The following FBN3 variants were observed in gnomAD, a reference collection of about 807,000 sequenced individuals.
The protein encoded by FBN3 is fibrillin-3.
Under a neutral mutation model 330.1 loss-of-function variants are expected in FBN3, and 234 were observed. The observed-to-expected ratio is 0.71, with a 90% CI of 0.64 to 0.79. The LOEUF (loss-of-function observed/expected upper bound fraction) is 0.79, where lower values mean the gene tolerates loss of function less well. Ranked by LOEUF, FBN3 falls within the 30% of genes least tolerant of loss-of-function variation. FBN3 has a pLI of 0.00. For missense variants in FBN3, 3,606 were observed against 3,886.9 expected, an observed-to-expected ratio of 0.93 and a Z score of 1.92; for synonymous variants, 1,458 against 1,517.3, an observed-to-expected ratio of 0.96 and a Z score of 0.91.
intron 14 of FBN3, 118 bp downstream of exon 14, chr19:8,132,866 T>C: frequency 8.6e-7 from 1 of 1,162,258 alleles, no homozygotes; most frequent in South Asian, 1.8e-5. Flanking sequence ...CTGCCCCTTC[T>C]CTTCTCCTTC....
At chr19:8,126,046 G>A (rs1568432346) in intron 21 of FBN3, 29 bp from the exon 22 acceptor site, 1 of 1,613,192 alleles carries the variant, frequency 6.2e-7, no homozygotes, top group East Asian at 2.2e-5. Flanking sequence ...AAGCCGGAGG[G>A]TCCAGGGAGG....
chr19:8,109,692 GC>G lies in FBN3; in HGVS notation c.4394del (p.Gly1465AlafsTer13). The G allele has an allele frequency of 6.4e-7, 1 of 1,563,036 alleles. No individual in the cohort carries two copies. The highest frequency in any genetic ancestry group is 1.4e-5 in the African/African-American group (1 of 73,320). ...CINGVCINTP[G>X]SYLCSCPQDF... ...CCTGGGGGCAGCTGCAGAGGTAGCTGCCGGGGGTGTTAATGCACACGCCGTT... is the reference window on the plus strand; with the variant it reads ...CCTGGGGGCAGCTGCAGAGGTAGCTGCGGGGGTGTTAATGCACACGCCGTT... On this transcript the variant is annotated frameshift_variant, in exon 35 of 64. Coordinates refer to ENST00000600128, the MANE Select transcript of FBN3 (RefSeq NM_032447.5). LOFTEE classifies it high-confidence loss of function. The surrounding 1 kb of genome is among the most constrained non-coding windows in gnomAD (Gnocchi z 5.2).
At position 8,116,768 on chromosome 19, in the gene FBN3, A is replaced by G; in HGVS notation, c.3618T>C (p.Val1206=). 1 of 1,614,048 alleles carries G rather than the reference A, an allele frequency of 6.2e-7. No homozygotes were observed. The highest frequency in any genetic ancestry group is 8.5e-7 in the Non-Finnish European group (1 of 1,179,988). ...TGTTGGTGCAGTGGCCTTGGTCACA[A>G]ACGCGGGGGTTCTCTTCACACTCGT... ...DVDECEENPR[V]CDQGHCTNMP... is the part of the protein sequence containing the mutation. The change falls in exon 29 of 64, where the codon GTT becomes GTC. Residue 1206 remains valine (V), a synonymous_variant. Coordinates refer to ENST00000600128, the MANE Select transcript of FBN3 (RefSeq NM_032447.5).
chr19:8,112,847 A>G (rs1251309152), intron 30 of FBN3, among the ~76,000 whole-genome samples: 1 of 152,198 alleles, frequency 6.6e-6, no homozygotes, highest in Non-Finnish European at 1.5e-5. Flanking sequence ...TTTCCCTGAC[A>G]TAAATTGTGT....
At position 8,115,647 on chromosome 19, in the gene FBN3, G is replaced by A. The variant is rs368031007; in HGVS notation, c.3713-7C>T. 5 of 1,613,756 alleles carry A rather than the reference G, an allele frequency of 3.1e-6. No homozygotes were observed. The highest frequency in any genetic ancestry group is 3.3e-5 in the Admixed American group (2 of 59,984). On this transcript the variant is annotated splice_polypyrimidine_tract_variant and splice_region_variant and intron_variant, in intron 29 of 63. Coordinates refer to ENST00000600128, the MANE Select transcript of FBN3 (RefSeq NM_032447.5). Reference sequence around the variant, plus strand: ...AGGTCACACTCATCCACATCTGTTGGGGAAGAGAGCATGAGGTCTGAGGAC... The same window carrying A: ...AGGTCACACTCATCCACATCTGTTGAGGAAGAGAGCATGAGGTCTGAGGAC...
At chr19:8,103,000 C>T (rs999680751) in intron 39 of FBN3, 127 bp from the exon 40 acceptor site, 11 of 981,760 alleles carry the variant, frequency 1.1e-5, no homozygotes, top group Admixed American at 2.1e-5. Context: ...GGCACAGTGG[C>T]TCATGCCTGT....
chr19:8,096,334 C>A lies in FBN3; in HGVS notation c.5539+110G>T. The stretch of plus-strand genomic sequence containing the variant: ...CAAGATCTTAATCTCAGGACCCAAA[C>A]TTGGATCTCTTTGTGAACTAGGATG... On this transcript the variant is annotated intron_variant, in intron 44 of 63. Transcript: ENST00000600128. The surrounding 1 kb of genome is among the most constrained non-coding windows in gnomAD (Gnocchi z 4.6). 8.7e-6 allele frequency: 12 copies of A among 1,372,882 alleles called. No homozygotes were observed. Among genetic ancestry groups the A allele is most frequent in the Non-Finnish European group, 1.2e-5 (12 of 1,015,640 alleles). The allele number at this position is 1,372,882 out of a possible 1,614,324, so 85.0% of individuals were successfully genotyped here.
chr19:8,079,213 C>T (rs1321595836), intron 59 of FBN3, among the ~76,000 whole-genome samples: 2 of 152,064 alleles, frequency 1.3e-5, no homozygotes, highest in African/African-American at 4.8e-5. Flanking sequence ...CACTGTACTC[C>T]AGCCCGGGCA....
chr19:8,133,927 A>AT (rs894600354), intron 13 of FBN3, among the ~76,000 whole-genome samples: 28 of 151,568 alleles, frequency 1.8e-4, no homozygotes, highest in African/African-American at 6.3e-4. Flanking sequence ...CTGAACATAC[A>AT]TTTAAAAAAA....
chr19:8,138,429 C>T lies in FBN3; in HGVS notation c.1001G>A (p.Cys334Tyr). The T allele has an allele frequency of 6.2e-7, 1 of 1,612,558 alleles. No individual in the cohort carries two copies. The highest frequency in any genetic ancestry group is 8.5e-7 in the Non-Finnish European group (1 of 1,179,304). Residue 334 changes from cysteine to tyrosine, a missense_variant, in exon 9 of 64, where the codon TGT becomes TAT. Cys to Tyr is a radical substitution (Grantham distance 194). Coordinates refer to ENST00000600128, the MANE Select transcript of FBN3 (RefSeq NM_032447.5). ...CWAAGPVPELCPPRGSNEFQQ... is the reference protein window; with the variant it reads ...CWAAGPVPELYPPRGSNEFQQ... ...TTACTCACTGGAGCCCCGAGGAGGA[C>T]ACAGCTCAGGGACCGGGCCAGCTGC...
At chr19:8,075,459 C>G (rs143240734) in intron 59 of FBN3, 48 bp from the exon 60 acceptor site, 3 of 1,581,990 alleles carry the variant, frequency 1.9e-6, no homozygotes, top group Non-Finnish European at 2.6e-6. Context: ...TTAAGGAACT[C>G]GTGTCAGGTG....
chr19:8,083,620 C>T (rs999611361), intron 56 of FBN3, among the ~76,000 whole-genome samples: 4 of 151,618 alleles, frequency 2.6e-5, no homozygotes, highest in South Asian at 2.1e-4. Flanking sequence ...GCCTCAACAG[C>T]GACACCTCCT....
intron 56 of FBN3, among the ~76,000 whole-genome samples, chr19:8,084,037 C>T (rs112721518): frequency 0.042 from 6,306 of 151,796 alleles, 454 homozygotes; most frequent in African/African-American, 0.14. Flanking sequence ...CTCCTGACCT[C>T]GTGATCTGCC....
In FBN3 at chr19:8,125,914, G is replaced by C. The variant is rs144577347; in HGVS notation, c.2709C>G (p.Asp903Glu). 1.2e-5 allele frequency: 20 copies of C among 1,613,246 alleles called. No homozygotes were observed. The African/African-American group carries it at 2.1e-4, about 17-fold the overall frequency. The change falls in exon 22 of 64, where the codon GAC (aspartate) becomes GAG (glutamate). Residue 903 changes from aspartate (D) to glutamate (E), a missense_variant. Transcript: ENST00000600128. ...RCECPEGLML[D>E]ASGRLCVDVR... ...CACCCACGCACAGCCGGCCTGAGGCGTCCAGCATCAGGCCCTCTGGACACT... is the reference window on the plus strand; with the variant it reads ...CACCCACGCACAGCCGGCCTGAGGCCTCCAGCATCAGGCCCTCTGGACACT...
At chr19:8,083,912 C>T (rs534226539) in intron 56 of FBN3, among the ~76,000 whole-genome samples, 126 of 151,712 alleles carry the variant, frequency 8.3e-4, no homozygotes, top group Admixed American at 2.9e-3. Context: ...ACGCCATTCT[C>T]CTGCCTCAGC....
At chr19:8,128,044 A>G (rs1363580343) in intron 18 of FBN3, among the ~76,000 whole-genome samples, 1 of 152,160 alleles carries the variant, frequency 6.6e-6, no homozygotes, top group Admixed American at 6.5e-5. Context: ...CAAATGATGA[A>G]CAGCCAGATG....
At chr19:8,108,779 TC>T (rs1350633881) in intron 36 of FBN3, among the ~76,000 whole-genome samples, 1 of 152,036 alleles carries the variant, frequency 6.6e-6, no homozygotes, top group African/African-American at 2.4e-5. Context: ...TGGAAAGCCT[TC>T]CCCAGAGCTT....
In FBN3 at chr19:8,088,193, A is replaced by AGG; in HGVS notation, c.6377-16_6377-15dup. On this transcript the variant is annotated splice_polypyrimidine_tract_variant and intron_variant, in intron 51 of 63. Transcript: ENST00000600128. ...ACTCGTCTGTGTCTGGGTGGGAGTAAGGGGGTGGTCAGCACCTGCAGAGGG... is the reference window on the plus strand; with the variant it reads ...ACTCGTCTGTGTCTGGGTGGGAGTAAGGGGGGGTGGTCAGCACCTGCAGAGGG... 6.3e-7 allele frequency: 1 copy of AGG among 1,579,948 alleles called. No homozygotes were observed. The highest frequency in any genetic ancestry group is 8.6e-7 in the Non-Finnish European group (1 of 1,160,542).
chr19:8,135,936 G>GCACCCCCCCC, intron 13 of FBN3, 25 bp downstream of exon 13: 7 of 668,776 alleles, frequency 1.0e-5, no homozygotes, highest in South Asian at 3.2e-5. Flanking sequence ...GGAAGCCCCT[G>GCACCCCCCCC]CCCACCCGCC....
Sources: gnomAD v4.1 joint callset for allele counts (sites outside exome capture counted in the v4.1 genomes callset) on GRCh38, gnomAD v4.1.1 for gene constraint, Gnocchi (gnomAD v3.1) non-coding constraint, MANE v1.5 for transcripts, NCBI Gene and HGNC (gene_info 2026-07-23, HGNC 2026-07-21) for gene names.